FANCC: variants seen among roughly 807,000 people sequenced by gnomAD.
FANCC encodes Fanconi anemia group C protein.
Under a neutral mutation model 71.3 loss-of-function variants are expected in FANCC, and 55 were observed. The observed-to-expected ratio is 0.77, with a 90% CI of 0.62 to 0.97. The LOEUF (loss-of-function observed/expected upper bound fraction) is 0.97, where lower values mean the gene tolerates loss of function less well. Among genes scored for constraint, FANCC ranks in the 50% least tolerant of loss-of-function variants. The pLI is 0.00. For synonymous variants in FANCC, 275 were observed against 244.9 expected, an observed-to-expected ratio of 1.12 and a Z score of -1.15; for missense variants, 678 against 670.9, an observed-to-expected ratio of 1.01 and a Z score of -0.12.
In FANCC at chr9:95,249,288, C is replaced by A; in HGVS notation, c.4G>T (p.Ala2Ser). The stretch of plus-strand genomic sequence containing the variant: ...CAAGAAAGATCTACTGAATCTTGAG[C>A]CATCTTGGAAAAAGCGAAAAGGTGA... M[A>S]QDSVDLSCDY... The change falls in exon 2 of 15, where the codon GCT becomes TCT. Residue 2 changes from alanine to serine, a missense_variant. Transcript: ENST00000289081. 6.2e-7 allele frequency: 1 copy of A among 1,614,040 alleles called. No individual in the cohort carries two copies. The highest frequency in any genetic ancestry group is 8.5e-7 in the Non-Finnish European group (1 of 1,179,986).
intron 1 of FANCC, among the ~76,000 whole-genome samples, chr9:95,278,368 C>T (rs1833169563): frequency 6.6e-6 from 1 of 152,162 alleles, no homozygotes; most frequent in African/African-American, 2.4e-5. Flanking sequence ...TTGAATTTTG[C>T]TCTTTTCCCA....
chr9:95,199,575 G>A (rs1289889321), intron 4 of FANCC, among the ~76,000 whole-genome samples: 1 of 152,182 alleles, frequency 6.6e-6, no homozygotes, highest in Non-Finnish European at 1.5e-5. Context: ...ATGGCTGTTT[G>A]CCTCCTGAAC....
intron 2 of FANCC, among the ~76,000 whole-genome samples, chr9:95,248,693 A>G (rs1162048720): frequency 6.6e-6 from 1 of 151,870 alleles, no homozygotes; most frequent in Admixed American, 6.6e-5. Flanking sequence ...TAGTAAAGAT[A>G]CTCAAAATCT....
chr9:95,251,658 T>G (rs1178706605), intron 1 of FANCC, among the ~76,000 whole-genome samples: 1 of 152,158 alleles, frequency 6.6e-6, no homozygotes, highest in East Asian at 1.9e-4. Flanking sequence ...CAAAAAAAAT[T>G]TTAAGGTATT....
intron 6 of FANCC, among the ~76,000 whole-genome samples, chr9:95,152,982 T>TAC (rs1344568043): frequency 6.6e-6 from 1 of 152,148 alleles, no homozygotes; most frequent in Non-Finnish European, 1.5e-5. Flanking sequence ...AGTTTACAGA[T>TAC]TTGTGTTGGG....
chr9:95,312,105 C>T (rs537914460), intron 1 of FANCC, among the ~76,000 whole-genome samples: 1 of 152,312 alleles, frequency 6.6e-6, no homozygotes, highest in East Asian at 1.9e-4. Flanking sequence ...TTTGCAAAGG[C>T]ATGGAAAGGC....
chr9:95,116,816 G>C (rs1014989012), intron 11 of FANCC, among the ~76,000 whole-genome samples: 7 of 152,362 alleles, frequency 4.6e-5, no homozygotes, highest in Non-Finnish European at 8.8e-5. Flanking sequence ...AGAGGCTGTG[G>C]ATGAAGCACC....
At chr9:95,230,907 T>C (rs981263814) in intron 4 of FANCC, among the ~76,000 whole-genome samples, 2 of 151,756 alleles carry the variant, frequency 1.3e-5, no homozygotes, top group African/African-American at 4.8e-5. Flanking sequence ...TAGCTAGACA[T>C]AGAGTGCTCA....
At chr9:95,247,311 C>T in intron 3 of FANCC, 121 bp downstream of exon 3, 2 of 747,248 alleles carry the variant, frequency 2.7e-6, no homozygotes, top group Non-Finnish European at 4.7e-6. Flanking sequence ...ACAATGAATA[C>T]ATTTGATAAG....
At chr9:95,313,400 G>A (rs554564729) in intron 1 of FANCC, among the ~76,000 whole-genome samples, 98 of 152,372 alleles carry the variant, frequency 6.4e-4, no homozygotes, top group African/African-American at 2.3e-3. Flanking sequence ...CGCTCTGGAG[G>A]AGTCACGGCC....
intron 1 of FANCC, among the ~76,000 whole-genome samples, chr9:95,314,143 C>T (rs1253090652): frequency 1.3e-5 from 2 of 152,176 alleles, no homozygotes; most frequent in Admixed American, 6.5e-5. Context: ...AAAAGTAAAA[C>T]TATATTGGCA....
intron 6 of FANCC, among the ~76,000 whole-genome samples, chr9:95,151,322 C>G (rs940546888): frequency 6.6e-6 from 1 of 152,112 alleles, no homozygotes. Flanking sequence ...ACAAATCCGT[C>G]TCCAGTGAAT....
chr9:95,207,889 T>C (rs1188029878), intron 4 of FANCC, among the ~76,000 whole-genome samples: 1 of 152,088 alleles, frequency 6.6e-6, no homozygotes, highest in Non-Finnish European at 1.5e-5. Flanking sequence ...TGTGTCTGTC[T>C]TTTCGGTGTT....
intron 4 of FANCC, among the ~76,000 whole-genome samples, chr9:95,194,875 ATAT>A (rs2135761112): frequency 6.6e-6 from 1 of 152,124 alleles, no homozygotes; most frequent in African/African-American, 2.4e-5. Context: ...TTCTTTTTAC[ATAT>A]TATGCTTGGG....
At chr9:95,291,967 A>AATATATATATATATATATATAT (rs34066396) in intron 1 of FANCC, among the ~76,000 whole-genome samples, 2 of 50,412 alleles carry the variant, frequency 4.0e-5, no homozygotes, top group Admixed American at 3.4e-4. Flanking sequence ...AAAAAAAAAA[A>AATATATATATATATATATATAT]ATATATATAT....
chr9:95,273,460 A>C (rs565339645), intron 1 of FANCC, among the ~76,000 whole-genome samples: 153 of 152,340 alleles, frequency 1.0e-3, no homozygotes, highest in South Asian at 2.5e-3. Context: ...GATCTCATGA[A>C]CAACACCCAA....
chr9:95,212,208 A>G (rs1828551489), intron 4 of FANCC, among the ~76,000 whole-genome samples: 1 of 152,134 alleles, frequency 6.6e-6, no homozygotes, highest in African/African-American at 2.4e-5. Flanking sequence ...AAGGAATGAT[A>G]ACTAAATTTT....
intron 4 of FANCC, among the ~76,000 whole-genome samples, chr9:95,209,173 AG>A (rs1205229239): frequency 6.6e-6 from 1 of 152,242 alleles, no homozygotes; most frequent in Non-Finnish European, 1.5e-5. Context: ...ATTCTGGGGA[AG>A]GAAAAAATGT....
chr9:95,190,246 G>A (rs1387777757), intron 4 of FANCC, among the ~76,000 whole-genome samples: 1 of 152,038 alleles, frequency 6.6e-6, no homozygotes, highest in Non-Finnish European at 1.5e-5. Context: ...CTGTCCACTT[G>A]GGCCCTGATC....
Sources: gnomAD v4.1 joint callset for allele counts (sites outside exome capture counted in the v4.1 genomes callset) on GRCh38, gnomAD v4.1.1 for gene constraint, MANE v1.5 for transcripts, NCBI Gene and HGNC (gene_info 2026-07-23, HGNC 2026-07-21) for gene names.